The following PLD5 variants were observed in gnomAD, a reference collection of about 807,000 sequenced individuals.
PLD5 encodes phospholipase D family member 5.
A neutral mutation model predicts 61.1 loss-of-function variants in PLD5; 36 were observed. The observed-to-expected ratio is 0.59, with a 90% CI of 0.45 to 0.78. The LOEUF (loss-of-function observed/expected upper bound fraction) is 0.78. Among genes scored for constraint, PLD5 ranks in the 30% least tolerant of loss-of-function variants. The pLI is 0.00. For synonymous variants in PLD5, 243 were observed against 242.8 expected, an observed-to-expected ratio of 1.00 and a Z score of -0.01; for missense variants, 515 against 644.4, an observed-to-expected ratio of 0.80 and a Z score of 2.17.
At chr1:242,504,453 T>C (rs1281827401) in intron 1 of PLD5, among the ~76,000 whole-genome samples, 1 of 152,230 alleles carries the variant, frequency 6.6e-6, no homozygotes, top group East Asian at 1.9e-4. Flanking sequence ...TTAGGAGTCA[T>C]CATCCTTGAA....
chr1:242,321,931 C>T (rs1388545767), intron 2 of PLD5, among the ~76,000 whole-genome samples: 1 of 152,146 alleles, frequency 6.6e-6, no homozygotes, highest in Non-Finnish European at 1.5e-5. Context: ...AACTGAAAAC[C>T]TCACCATAGT....
intron 9 of PLD5, among the ~76,000 whole-genome samples, chr1:242,098,454 A>T (rs921765958): frequency 3.9e-5 from 6 of 152,058 alleles, no homozygotes; most frequent in Non-Finnish European, 7.4e-5. Context: ...GTAGTTAGCC[A>T]TTCATCTAAT....
intron 1 of PLD5, among the ~76,000 whole-genome samples, chr1:242,348,644 C>G (rs1660276756): frequency 6.6e-6 from 1 of 152,190 alleles, no homozygotes; most frequent in Admixed American, 6.5e-5. Flanking sequence ...GATATTTATT[C>G]TAAGTCAAAT....
At chr1:242,226,077 T>C (rs907463292) in intron 4 of PLD5, among the ~76,000 whole-genome samples, 1 of 152,234 alleles carries the variant, frequency 6.6e-6, no homozygotes, top group African/African-American at 2.4e-5. Flanking sequence ...CTTTAAATAT[T>C]ATAGACTTCT....
chr1:242,190,143 T>TG (rs1668162346), intron 5 of PLD5, among the ~76,000 whole-genome samples: 1 of 128,414 alleles, frequency 7.8e-6, no homozygotes, highest in Admixed American at 7.7e-5. Context: ...GACTCCTTTT[T>TG]TTTTTTTTTT....
At chr1:242,391,027 T>A (rs933795008) in intron 1 of PLD5, among the ~76,000 whole-genome samples, 1 of 150,578 alleles carries the variant, frequency 6.6e-6, no homozygotes, top group Non-Finnish European at 1.5e-5. Flanking sequence ...CTGTCTCTAC[T>A]AAAAAAAAAT....
At chr1:242,417,832 G>C (rs887516722) in intron 1 of PLD5, among the ~76,000 whole-genome samples, 1 of 152,220 alleles carries the variant, frequency 6.6e-6, no homozygotes, top group East Asian at 1.9e-4. Flanking sequence ...GAGCAAGGGA[G>C]TGGCAGGGAA....
intron 5 of PLD5, among the ~76,000 whole-genome samples, chr1:242,145,151 A>G (rs1227774358): frequency 2.0e-5 from 3 of 152,032 alleles, no homozygotes; most frequent in Non-Finnish European, 4.4e-5. Flanking sequence ...GAGCAGCTCC[A>G]GGATCCACAC....
intron 1 of PLD5, among the ~76,000 whole-genome samples, chr1:242,350,032 T>C (rs952438210): frequency 6.6e-6 from 1 of 151,842 alleles, no homozygotes; most frequent in Non-Finnish European, 1.5e-5. Flanking sequence ...GTGGGCATCA[T>C]AGTGAGACTT....
intron 1 of PLD5, among the ~76,000 whole-genome samples, chr1:242,404,595 T>C (rs920157974): frequency 2.6e-5 from 4 of 152,128 alleles, no homozygotes; most frequent in African/African-American, 9.7e-5. Flanking sequence ...TCCATCCTCA[T>C]AGACAGTTTC....
At chr1:242,339,004 G>C (rs1445432594) in intron 2 of PLD5, among the ~76,000 whole-genome samples, 1 of 151,994 alleles carries the variant, frequency 6.6e-6, no homozygotes, top group African/African-American at 2.4e-5. Context: ...CAACTCCCTT[G>C]CAAGTTTCTT....
At chr1:242,197,267 G>A (rs1396161435) in intron 5 of PLD5, among the ~76,000 whole-genome samples, 3 of 152,166 alleles carry the variant, frequency 2.0e-5, no homozygotes, top group Admixed American at 2.0e-4. Context: ...CTTCCTAAAT[G>A]GTTCCCTTAT....
At chr1:242,097,152 T>A (rs1660314790) in intron 9 of PLD5, among the ~76,000 whole-genome samples, 1 of 152,202 alleles carries the variant, frequency 6.6e-6, no homozygotes, top group Non-Finnish European at 1.5e-5. Flanking sequence ...TCTATCATTG[T>A]TGGACATTTG....
chr1:242,228,908 C>CA (rs1215899818), intron 4 of PLD5, among the ~76,000 whole-genome samples: 1 of 152,190 alleles, frequency 6.6e-6, no homozygotes, highest in Non-Finnish European at 1.5e-5. Context: ...AATTACTTGT[C>CA]ATTTAAGCTT....
rs556341573 is a variant in PLD5, at chr1:242,155,145, T to G, written c.736-30480A>C. On this transcript the variant is annotated intron_variant, in intron 5 of 9. Coordinates refer to ENST00000536534, the MANE Select transcript of PLD5 (RefSeq NM_001372062.1). ...ACTTTATTATTTGCGTAGAGCTGTTTATAGTATTCTCTGATGGTAACTTAT... is the reference window on the plus strand; with the variant it reads ...ACTTTATTATTTGCGTAGAGCTGTTGATAGTATTCTCTGATGGTAACTTAT... 3.0e-4 allele frequency among the ~76,000 whole-genome samples: 45 copies of G among 152,314 alleles called. 2 individuals carry two copies. In the South Asian group the frequency reaches 9.1e-3, roughly 31 times the overall value.
chr1:242,492,522 C>CAAA (rs35988130), intron 1 of PLD5, among the ~76,000 whole-genome samples: 1 of 122,430 alleles, frequency 8.2e-6, no homozygotes, highest in Non-Finnish European at 1.7e-5. Flanking sequence ...AACTCCGTCT[C>CAAA]AAAAAAAAAA....
At chr1:242,526,619 G>A (rs1669454282), upstream of PLD5, among the ~76,000 whole-genome samples, 1 of 152,054 alleles carries the variant, frequency 6.6e-6, no homozygotes, top group Non-Finnish European at 1.5e-5. Context: ...TACTTTTAGT[G>A]GAGACGGGGT....
At chr1:242,358,479 T>G (rs1044520706) in intron 1 of PLD5, among the ~76,000 whole-genome samples, 2 of 151,886 alleles carry the variant, frequency 1.3e-5, no homozygotes, top group African/African-American at 2.4e-5. Context: ...TGCATTCAGG[T>G]TCTCTAGATG....
chr1:242,502,829 G>C (rs982804808), intron 1 of PLD5, among the ~76,000 whole-genome samples: 1 of 152,118 alleles, frequency 6.6e-6, no homozygotes. Context: ...GGGAGGCTGA[G>C]GTGGGCGGAT....
Sources: gnomAD v4.1 joint callset for allele counts (sites outside exome capture counted in the v4.1 genomes callset) on GRCh38, gnomAD v4.1.1 for gene constraint, MANE v1.5 for transcripts, NCBI Gene and HGNC (gene_info 2026-07-23, HGNC 2026-07-21) for gene names.